The following NXPE4 variants were observed in gnomAD, a reference collection of about 807,000 sequenced individuals.
NXPE4 encodes the protein NXPE family member 4.
In NXPE4, 42 loss-of-function variants were observed where a neutral mutation model predicts 33.3. The observed-to-expected ratio is 1.26, with a 90% CI of 0.98 to 1.63. The LOEUF is 1.63. Among genes scored for constraint, NXPE4 ranks in the 40% most tolerant of loss-of-function variants. The pLI, the probability that NXPE4 is intolerant of heterozygous loss-of-function variation, is 0.00. For missense variants in NXPE4, 709 were observed against 647.6 expected, an observed-to-expected ratio of 1.09 and a Z score of -1.03; for synonymous variants, 253 against 234.9, an observed-to-expected ratio of 1.08 and a Z score of -0.71.
chr11:114,631,875 G>T, the NXPE4 span, among the ~76,000 whole-genome samples: 1 of 151,136 alleles, frequency 6.6e-6, no homozygotes. Context: ...GGTAACCGCT[G>T]TTACCCAGTG....
chr11:114,594,225 T>C (rs1386447353), intron 2 of NXPE4, among the ~76,000 whole-genome samples: 2 of 152,182 alleles, frequency 1.3e-5, no homozygotes, highest in African/African-American at 4.8e-5. Flanking sequence ...CTTGAGGCAA[T>C]GAATACCCCA....
chr11:114,605,050 G>T, the NXPE4 span, among the ~76,000 whole-genome samples: 2 of 151,716 alleles, frequency 1.3e-5, no homozygotes, highest in African/African-American at 4.8e-5. Context: ...GTACTGCCTC[G>T]TGGGTAACCA....
At chr11:114,607,569 ACAGTTACC>A in the NXPE4 span, among the ~76,000 whole-genome samples, 26 of 152,056 alleles carry the variant, frequency 1.7e-4, no homozygotes, top group African/African-American at 5.3e-4. Flanking sequence ...GTGGGTAACC[ACAGTTACC>A]CAGTGGATAA....
the NXPE4 span, among the ~76,000 whole-genome samples, chr11:114,605,350 AC>A: frequency 1.3e-5 from 2 of 151,674 alleles, no homozygotes; most frequent in Non-Finnish European, 2.9e-5. Flanking sequence ...CTCGTGGGTG[AC>A]CACTGTTACC....
the NXPE4 span, among the ~76,000 whole-genome samples, chr11:114,644,404 C>T: frequency 6.6e-6 from 1 of 152,062 alleles, no homozygotes; most frequent in Non-Finnish European, 1.5e-5. Context: ...TCATAAATTG[C>T]TCTTATTATT....
At chr11:114,631,670 T>C in the NXPE4 span, among the ~76,000 whole-genome samples, 2 of 151,954 alleles carry the variant, frequency 1.3e-5, no homozygotes, top group African/African-American at 4.8e-5. Context: ...ACTTAAAGTA[T>C]ATATATAAAA....
At chr11:114,614,401 G>T in the NXPE4 span, among the ~76,000 whole-genome samples, 33 of 150,514 alleles carry the variant, frequency 2.2e-4, no homozygotes, top group African/African-American at 7.3e-4. Context: ...AGCCTCTAGG[G>T]TAACCACTGT....
chr11:114,622,689 G>T, the NXPE4 span, among the ~76,000 whole-genome samples: 1 of 151,680 alleles, frequency 6.6e-6, no homozygotes, highest in East Asian at 2.0e-4. Context: ...GTTGCCTAGT[G>T]GTTAACCCCT....
the NXPE4 span, among the ~76,000 whole-genome samples, chr11:114,630,826 A>G: frequency 1.3e-5 from 2 of 151,942 alleles, no homozygotes; most frequent in East Asian, 3.8e-4. Flanking sequence ...CAAATTTACA[A>G]GAAAAAAACA....
At chr11:114,581,822 G>A in intron 3 of NXPE4, 36 bp from the exon 4 acceptor site, 1 of 1,463,972 alleles carries the variant, frequency 6.8e-7, no homozygotes, top group Non-Finnish European at 9.5e-7. Context: ...ATCTGTAGGT[G>A]GCCTCAAATC....
the NXPE4 span, among the ~76,000 whole-genome samples, chr11:114,621,942 C>A: frequency 6.8e-6 from 1 of 147,280 alleles, no homozygotes; most frequent in Non-Finnish European, 1.5e-5. Context: ...ATGGGTAACA[C>A]CTGTTACCCT....
Position 114,582,391 on chromosome 11 carries a change from AG to A in NXPE4, c.726del (p.Cys243ValfsTer2). 1 of 1,614,228 alleles carries A rather than the reference AG, an allele frequency of 6.2e-7. No individual in the cohort carries two copies. The highest frequency in any genetic ancestry group is 8.5e-7 in the Non-Finnish European group (1 of 1,180,016). On this transcript the variant is annotated frameshift_variant, in exon 3 of 6. Coordinates refer to ENST00000375478, the MANE Select transcript of NXPE4 (RefSeq NM_001077639.2). LOFTEE classifies it high-confidence loss of function. ...YLDNRDQEGF[Y>X]CVRPQHMPCA... ...CAGGGCATGTGTTGAGGCCTCACACAGTAGAAGCCTTCTTGGTCTCTGTTGT... is the reference window on the plus strand; with the variant it reads ...CAGGGCATGTGTTGAGGCCTCACACATAGAAGCCTTCTTGGTCTCTGTTGT...
At chr11:114,642,870 A>G in the NXPE4 span, among the ~76,000 whole-genome samples, 1 of 151,794 alleles carries the variant, frequency 6.6e-6, no homozygotes, top group Non-Finnish European at 1.5e-5. Flanking sequence ...ACTAATTTAC[A>G]CTCTCACCAA....
chr11:114,637,473 A>C, the NXPE4 span, among the ~76,000 whole-genome samples: 1,322 of 151,688 alleles, frequency 8.7e-3, 22 homozygotes, highest in African/African-American at 0.031. Context: ...ATTTAAAGTT[A>C]ATATTGTTAT....
the NXPE4 span, among the ~76,000 whole-genome samples, chr11:114,609,865 ACCAC>A: frequency 3.3e-5 from 5 of 151,554 alleles, no homozygotes; most frequent in African/African-American, 1.2e-4. Context: ...CTCGCGGGTA[ACCAC>A]TCTTACCCAG....
At chr11:114,608,310 G>A in the NXPE4 span, among the ~76,000 whole-genome samples, 4 of 151,714 alleles carry the variant, frequency 2.6e-5, no homozygotes, top group African/African-American at 7.3e-5. Flanking sequence ...TTGCATCATG[G>A]GTAACCAGTG....
In NXPE4 at chr11:114,570,722, G is replaced by A. The variant is rs1346076479; in HGVS notation, c.*216C>T. 24 of 441,328 alleles carry A rather than the reference G, an allele frequency of 5.4e-5. No homozygotes were observed. Among genetic ancestry groups the A allele is most frequent in the Admixed American group, 3.9e-5 (1 of 25,362 alleles). 27.3% of individuals were successfully genotyped at this position (441,328 alleles called of 1,614,324 possible). A position where few individuals can be genotyped will look rare whatever the true frequency, so the allele number is the denominator to read the frequency against. On this transcript the variant is annotated 3_prime_UTR_variant, in exon 6 of 6. Coordinates refer to ENST00000375478, the MANE Select transcript of NXPE4 (RefSeq NM_001077639.2). Reference sequence around the variant, plus strand: ...GGTATGGCTCTGATCAAGAAGGGTAGGCTCTTTTCATGAGTATTTTTAGTT... The same window carrying A: ...GGTATGGCTCTGATCAAGAAGGGTAAGCTCTTTTCATGAGTATTTTTAGTT...
the NXPE4 span, among the ~76,000 whole-genome samples, chr11:114,669,382 A>G: frequency 1.3e-5 from 2 of 152,030 alleles, no homozygotes; most frequent in Admixed American, 1.3e-4. Flanking sequence ...GGCAGGTGCA[A>G]TCAAGAAGAC....
the NXPE4 span, among the ~76,000 whole-genome samples, chr11:114,663,593 CTATCTATCTATCTATCTATCTATCTATCT>C: frequency 0.01 from 976 of 95,724 alleles, 15 homozygotes; most frequent in African/African-American, 0.034. Flanking sequence ...TATCATCTAT[CTATCTATCTATCTATCTATCTATCTATCT>C]ATCTATCTAT....
Sources: allele counts gnomAD v4.1 joint callset (sites outside exome capture counted in the v4.1 genomes callset), GRCh38; gene constraint gnomAD v4.1.1; transcripts MANE v1.5; gene names NCBI Gene and HGNC (gene_info 2026-07-23, HGNC 2026-07-21).